SMYD3: variants seen among roughly 807,000 people sequenced by gnomAD.
The protein encoded by SMYD3 is SET and MYND domain containing 3, also known as histone-lysine N-methyltransferase SMYD3.
SMYD3 carries 36 observed loss-of-function variants against 57.7 expected under a neutral mutation model. The ratio of observed to expected loss-of-function variants is 0.62; its 90% CI spans 0.48 to 0.82. The LOEUF is 0.82. Ranked by LOEUF, SMYD3 falls within the 40% of genes least tolerant of loss-of-function variation. SMYD3 has a pLI of 0.00. For missense variants in SMYD3, 515 were observed against 538.8 expected, an observed-to-expected ratio of 0.96 and a Z score of 0.44; for synonymous variants, 211 against 195.0, an observed-to-expected ratio of 1.08 and a Z score of -0.68.
intron 1 of SMYD3, among the ~76,000 whole-genome samples, chr1:246,444,700 G>C (rs1300411943): frequency 6.6e-6 from 1 of 152,150 alleles, no homozygotes; most frequent in African/African-American, 2.4e-5. Context: ...TTCCTGAAAA[G>C]TCTCCATGAA....
In SMYD3 at chr1:245,785,376, C is replaced by T. The variant is rs527502551; in HGVS notation, c.1077-21227G>A. 2.6e-5 allele frequency among the ~76,000 whole-genome samples: 4 copies of T among 152,252 alleles called. No homozygotes were observed. The East Asian group carries it at 7.7e-4, about 29-fold the overall frequency. The stretch of plus-strand genomic sequence containing the variant: ...AGGTATTATGTTATAACCTCAGAGG[C>T]TCTCTAAGTCCTTTCAATCAACAGA... On this transcript the variant is annotated intron_variant, in intron 10 of 11. Coordinates refer to ENST00000490107, the MANE Select transcript of SMYD3 (RefSeq NM_001167740.2).
chr1:246,272,684 G>T (rs553412297), intron 5 of SMYD3, among the ~76,000 whole-genome samples: 1 of 152,082 alleles, frequency 6.6e-6, no homozygotes, highest in South Asian at 2.1e-4. Flanking sequence ...AATTTGGTTT[G>T]CTAGTATTCT....
At chr1:246,408,961 C>T (rs2066915346) in intron 1 of SMYD3, among the ~76,000 whole-genome samples, 1 of 152,108 alleles carries the variant, frequency 6.6e-6, no homozygotes, top group African/African-American at 2.4e-5. Flanking sequence ...TGAGCCACCG[C>T]ACCCAGCCAA....
Position 245,927,567 on chromosome 1 carries a change from T to C in SMYD3, c.702+364A>G, listed in dbSNP as rs944395003. On this transcript the variant is annotated intron_variant, in intron 7 of 11. Coordinates refer to ENST00000490107, the MANE Select transcript of SMYD3 (RefSeq NM_001167740.2). ...ACTCACAAGCTGGGATGCCCCCCCCTGCCCACGGAAGGATATGAGAGGCTG... is the reference window on the plus strand; with the variant it reads ...ACTCACAAGCTGGGATGCCCCCCCCCGCCCACGGAAGGATATGAGAGGCTG... 2.7e-5 allele frequency among the ~76,000 whole-genome samples: 4 copies of C among 148,378 alleles called. No individual in the cohort carries two copies. In the East Asian group the frequency reaches 7.8e-4, roughly 29 times the overall value.
chr1:245,970,690 T>C (rs1224140647), intron 5 of SMYD3, among the ~76,000 whole-genome samples: 3 of 151,886 alleles, frequency 2.0e-5, no homozygotes, highest in Non-Finnish European at 4.4e-5. Flanking sequence ...TGGCCAAAAA[T>C]TATGAAAAAA....
chr1:246,272,759 T>C (rs2064246753), intron 5 of SMYD3, among the ~76,000 whole-genome samples: 2 of 152,220 alleles, frequency 1.3e-5, no homozygotes, highest in South Asian at 4.1e-4. Context: ...TCTCATAATA[T>C]CTTTGTCTGG....
intron 5 of SMYD3, among the ~76,000 whole-genome samples, chr1:246,191,221 T>C (rs1237026259): frequency 6.6e-6 from 1 of 151,840 alleles, no homozygotes; most frequent in African/African-American, 2.4e-5. Flanking sequence ...TACAGGGCCC[T>C]TCTGCGAGGG....
intron 5 of SMYD3, among the ~76,000 whole-genome samples, chr1:245,943,285 A>G (rs2057320467): frequency 6.6e-6 from 1 of 151,090 alleles, no homozygotes; most frequent in Non-Finnish European, 1.5e-5. Flanking sequence ...AACAGACACA[A>G]TGAAAAATGA....
chr1:246,002,341 C>A (rs1309590665), intron 5 of SMYD3, among the ~76,000 whole-genome samples: 1 of 65,412 alleles, frequency 1.5e-5, no homozygotes, highest in African/African-American at 4.2e-5. Flanking sequence ...CCCGCCACCA[C>A]GCCCGGCTAA....
At chr1:245,908,752 CTT>C (rs981746061) in intron 8 of SMYD3, among the ~76,000 whole-genome samples, 77 of 152,076 alleles carry the variant, frequency 5.1e-4, no homozygotes, top group African/African-American at 1.8e-3. Context: ...AGATCAAAAA[CTT>C]TATTCAAACA....
chr1:245,961,013 C>G (rs927088048), intron 5 of SMYD3, among the ~76,000 whole-genome samples: 5 of 152,204 alleles, frequency 3.3e-5, no homozygotes, highest in African/African-American at 1.2e-4. Flanking sequence ...CCTTCTCCCC[C>G]AAATCAATTC....
rs571885849 is a variant in SMYD3, at chr1:246,306,224, A to C, written c.531+20977T>G. On this transcript the variant is annotated intron_variant, in intron 5 of 11. Coordinates refer to ENST00000490107, the MANE Select transcript of SMYD3 (RefSeq NM_001167740.2). Reference sequence around the variant, plus strand: ...CGTGGTGGCGCCTGCCTGTAGTCCCATAGTCCCAGCTACTTGGGAGGCTGA... The same window carrying C: ...CGTGGTGGCGCCTGCCTGTAGTCCCCTAGTCCCAGCTACTTGGGAGGCTGA... 9.2e-5 allele frequency among the ~76,000 whole-genome samples: 14 copies of C among 152,228 alleles called. No homozygotes were observed. The South Asian group carries it at 2.9e-3, about 32-fold the overall frequency.
rs544653003 is a variant in SMYD3 at position 246,377,495 on chromosome 1, G to A, written c.165-22401C>T. Among the ~76,000 whole-genome samples the A allele has an allele frequency of 3.3e-5, 5 of 150,362 alleles. No homozygotes were observed. The East Asian group carries it at 5.9e-4, about 18-fold the overall frequency. ...AGCGATTCTCCTGCCTCAGCCTCCC[G>A]AGTAGCTGGGAGTACAGGTACCTGC... On this transcript the variant is annotated intron_variant, in intron 1 of 11. Transcript: ENST00000490107.
At chr1:245,765,864 C>A (rs2046069675) in intron 10 of SMYD3, among the ~76,000 whole-genome samples, 1 of 152,082 alleles carries the variant, frequency 6.6e-6, no homozygotes, top group East Asian at 1.9e-4. Context: ...ATCCATGAAC[C>A]CAGAGAACCC....
chr1:246,247,955 T>C (rs549045000), intron 5 of SMYD3, among the ~76,000 whole-genome samples: 6 of 152,278 alleles, frequency 3.9e-5, no homozygotes, highest in Non-Finnish European at 8.8e-5. Context: ...GAACATACCC[T>C]TTCCTGCTTC....
At chr1:246,289,809 A>G (rs539466546) in intron 5 of SMYD3, among the ~76,000 whole-genome samples, 55 of 152,202 alleles carry the variant, frequency 3.6e-4, no homozygotes, top group African/African-American at 1.3e-3. Flanking sequence ...ATCCAGGGCA[A>G]CCCCGGGTAA....
rs1416005032 is a variant in SMYD3 at position 246,125,426 on chromosome 1, T to C, written c.532-195489A>G. 3.9e-5 allele frequency among the ~76,000 whole-genome samples: 6 copies of C among 152,308 alleles called. No individual in the cohort carries two copies. The East Asian group carries it at 1.2e-3, about 29-fold the overall frequency. On this transcript the variant is annotated intron_variant, in intron 5 of 11. Coordinates refer to ENST00000490107, the MANE Select transcript of SMYD3 (RefSeq NM_001167740.2). Reference sequence around the variant, plus strand: ...TGGTAAATGGGGTAACCATACTATGTATGACAAGTTTCTATGACAAAGAAA... The same window carrying C: ...TGGTAAATGGGGTAACCATACTATGCATGACAAGTTTCTATGACAAAGAAA...
chr1:246,059,021 T>G lies in SMYD3; in HGVS notation c.532-129084A>C, dbSNP rs10924473. On this transcript the variant is annotated intron_variant, in intron 5 of 11. Transcript: ENST00000490107. ...TCCCGAGTAGCTGGAACTGCAGGCG[T>G]CCGCCACCATGCCCGGCTAAATTTT... Among the ~76,000 whole-genome samples, 889 of 151,872 alleles carry G rather than the reference T, an allele frequency of 5.9e-3. 11 individuals are homozygous for G. The highest frequency in any genetic ancestry group is 0.02 in the African/African-American group (833 of 41,366).
chr1:246,214,933 C>T (rs1207341576), intron 5 of SMYD3, among the ~76,000 whole-genome samples: 2 of 152,108 alleles, frequency 1.3e-5, no homozygotes, highest in African/African-American at 4.8e-5. Flanking sequence ...TACATTTTTC[C>T]ACTTTCTAGT....
Sources: gnomAD v4.1 joint callset for allele counts (sites outside exome capture counted in the v4.1 genomes callset) on GRCh38, gnomAD v4.1.1 for gene constraint, MANE v1.5 for transcripts, NCBI Gene and HGNC (gene_info 2026-07-23, HGNC 2026-07-21) for gene names.